The following GLRA3 variants were observed in gnomAD, a reference collection of about 807,000 sequenced individuals.
The protein encoded by GLRA3 is glycine receptor subunit alpha-3.
In GLRA3, 44 loss-of-function variants were observed where a neutral mutation model predicts 60.4. The ratio of observed to expected loss-of-function variants is 0.73; its 90% CI spans 0.57 to 0.94. The LOEUF is 0.94. GLRA3 is among the 40% of genes least tolerant of loss of function. The probability of loss-of-function intolerance (pLI) is 0.00; values close to 1 mark genes in which losing one functional copy is unlikely to be tolerated. For missense variants in GLRA3, 508 were observed against 564.6 expected (o/e 0.90, Z 1.02); for synonymous variants, 223 against 192.9 (o/e 1.16, Z -1.29).
chr4:174,668,528 T>C (rs1241314450), intron 7 of GLRA3, among the ~76,000 whole-genome samples: 3 of 152,134 alleles, frequency 2.0e-5, no homozygotes, highest in Non-Finnish European at 4.4e-5. Flanking sequence ...ACCAATAAAT[T>C]CCTGTTACAG....
rs1732585716 is a variant in GLRA3, at chr4:174,639,841, G to A, written c.*3945C>T. Reference sequence around the variant, plus strand: ...TATATAACAATAAAAAAAATGCAGTGAGGCTATATTTACCACTGTAGCACA... The same window carrying A: ...TATATAACAATAAAAAAAATGCAGTAAGGCTATATTTACCACTGTAGCACA... On this transcript the variant is annotated 3_prime_UTR_variant, in exon 10 of 10. Coordinates refer to ENST00000274093, the MANE Select transcript of GLRA3 (RefSeq NM_006529.4). 1.3e-5 allele frequency: 2 copies of A among 152,042 alleles called. No individual in the cohort carries two copies. The allele number at this position is 152,042 out of a possible 1,614,324, so 9.4% of individuals were successfully genotyped here.
chr4:174,691,971 C>A (rs999868356), intron 5 of GLRA3, among the ~76,000 whole-genome samples: 1 of 151,906 alleles, frequency 6.6e-6, no homozygotes, highest in African/African-American at 2.4e-5. Context: ...GGCCGCCCAT[C>A]GTCTGAGATA....
At chr4:174,692,056 A>G (rs1311887430) in intron 5 of GLRA3, among the ~76,000 whole-genome samples, 1 of 150,964 alleles carries the variant, frequency 6.6e-6, no homozygotes, top group Non-Finnish European at 1.5e-5. Flanking sequence ...CCCGTCTGGG[A>G]GGTGAGGAGC....
intron 8 of GLRA3, among the ~76,000 whole-genome samples, chr4:174,657,065 T>C (rs2110881902): frequency 6.6e-6 from 1 of 152,306 alleles, no homozygotes; most frequent in East Asian, 1.9e-4. Flanking sequence ...ATGATTGTTT[T>C]TGCATTTCTG....
intron 5 of GLRA3, among the ~76,000 whole-genome samples, chr4:174,708,322 G>A (rs923870107): frequency 6.6e-6 from 1 of 151,976 alleles, no homozygotes; most frequent in Non-Finnish European, 1.5e-5. Context: ...ATGAATCTGA[G>A]AAATTAAATC....
intron 1 of GLRA3, among the ~76,000 whole-genome samples, chr4:174,805,420 T>C (rs1740004597): frequency 6.6e-6 from 1 of 152,106 alleles, no homozygotes. Flanking sequence ...GGGAAGCTAA[T>C]CATCATGTTG....
At chr4:174,671,056 A>G (rs1733886728) in intron 7 of GLRA3, among the ~76,000 whole-genome samples, 1 of 151,942 alleles carries the variant, frequency 6.6e-6, no homozygotes, top group Non-Finnish European at 1.5e-5. Context: ...AGCTAGTATG[A>G]TCCATGAACA....
chr4:174,797,242 A>C (rs1739609237), intron 1 of GLRA3, among the ~76,000 whole-genome samples: 1 of 152,238 alleles, frequency 6.6e-6, no homozygotes, highest in African/African-American at 2.4e-5. Flanking sequence ...TCCTAGTTTC[A>C]ACAGAGCTGA....
intron 5 of GLRA3, among the ~76,000 whole-genome samples, chr4:174,687,828 G>C (rs1734607869): frequency 6.6e-6 from 1 of 152,050 alleles, no homozygotes; most frequent in South Asian, 2.1e-4. Context: ...TTTTCAAAAT[G>C]ACCAAAACAT....
At chr4:174,730,933 T>C (rs1191596876) in intron 3 of GLRA3, among the ~76,000 whole-genome samples, 1 of 152,192 alleles carries the variant, frequency 6.6e-6, no homozygotes, top group African/African-American at 2.4e-5. Context: ...TTGTACTGCA[T>C]GGTAAGTACA....
intron 1 of GLRA3, among the ~76,000 whole-genome samples, chr4:174,827,157 C>A (rs1741007310): frequency 6.6e-6 from 1 of 151,762 alleles, no homozygotes; most frequent in South Asian, 2.1e-4. Context: ...AATTATTTAA[C>A]ATTAAAAAAG....
intron 6 of GLRA3, 79 bp downstream of exon 6, chr4:174,682,723 C>A (rs1328791897): frequency 9.6e-7 from 1 of 1,038,754 alleles, no homozygotes; most frequent in Admixed American, 2.2e-5. Context: ...AGTTAAATAA[C>A]TTAGCATTAT....
At chr4:174,746,979 G>T (rs918674079) in intron 3 of GLRA3, among the ~76,000 whole-genome samples, 4 of 152,198 alleles carry the variant, frequency 2.6e-5, no homozygotes, top group Non-Finnish European at 5.9e-5. Flanking sequence ...TGTACTCACA[G>T]GAAGAATGAA....
intron 9 of GLRA3, among the ~76,000 whole-genome samples, chr4:174,649,942 C>T (rs1459798031): frequency 1.3e-5 from 2 of 152,020 alleles, no homozygotes; most frequent in South Asian, 2.1e-4. Flanking sequence ...TTGTCACAAC[C>T]GGATAAGAAA....
intron 7 of GLRA3, among the ~76,000 whole-genome samples, chr4:174,659,735 G>A (rs1198816654): frequency 1.3e-5 from 2 of 152,062 alleles, no homozygotes; most frequent in African/African-American, 2.4e-5. Context: ...ACTTTGGTAT[G>A]CCAAGGCGGG....
chr4:174,799,215 A>G (rs147407502), intron 1 of GLRA3, among the ~76,000 whole-genome samples: 1 of 152,256 alleles, frequency 6.6e-6, no homozygotes. Flanking sequence ...TGGATTACAG[A>G]TGAAGAAACA....
chr4:174,819,043 G>A (rs1275675013), intron 1 of GLRA3, among the ~76,000 whole-genome samples: 3 of 152,022 alleles, frequency 2.0e-5, no homozygotes, highest in Non-Finnish European at 2.9e-5. Context: ...AAGAAAACTT[G>A]TACGTCTCTT....
rs147867441 is a variant in GLRA3, at chr4:174,792,297, G to C, written c.72-3354C>G. Among the ~76,000 whole-genome samples, 602 of 152,058 alleles carry C rather than the reference G, an allele frequency of 4.0e-3. 3 individuals carry two copies. Among genetic ancestry groups the C allele is most frequent in the African/African-American group, 0.013 (525 of 41,470 alleles). On this transcript the variant is annotated intron_variant, in intron 1 of 9. Transcript: ENST00000274093. ...GTTGTCAGCAGGGTTGGTTTCCTCCGAGGCCCTCCCTTGTTGGCTTGTAGA... is the reference window on the plus strand; with the variant it reads ...GTTGTCAGCAGGGTTGGTTTCCTCCCAGGCCCTCCCTTGTTGGCTTGTAGA...
rs1732515809 is a variant in GLRA3 at position 174,637,196 on chromosome 4, T to TA, written c.*6589dup. The TA allele has an allele frequency of 1.3e-5, 2 of 152,100 alleles. No individual in the cohort carries two copies. The highest frequency in any genetic ancestry group is 4.1e-4 in the South Asian group (2 of 4,832). The allele number at this position is 152,100 out of a possible 1,614,324, so 9.4% of individuals were successfully genotyped here. On this transcript the variant is annotated 3_prime_UTR_variant, in exon 10 of 10. Transcript: ENST00000274093. ...GAAGACAGAAAAATAATTTACACCA[T>TA]AAAAACCATAAAATAGCAATACTTC...
Sources: allele counts gnomAD v4.1 joint callset (sites outside exome capture counted in the v4.1 genomes callset), GRCh38; gene constraint gnomAD v4.1.1; transcripts MANE v1.5; gene names NCBI Gene and HGNC (gene_info 2026-07-23, HGNC 2026-07-21).